Variants in DGKB observed in about 807,000 individuals in gnomAD.
The protein encoded by DGKB is diacylglycerol kinase beta, also known as 90 kDa diacylglycerol kinase.
Under a neutral mutation model 114.3 loss-of-function variants are expected in DGKB, and 67 were observed. That is an observed-to-expected ratio of 0.59 (90% CI 0.48 to 0.72). The LOEUF is 0.72. Among genes scored for constraint, DGKB ranks in the 30% least tolerant of loss-of-function variants. DGKB has a pLI of 0.00. For synonymous variants in DGKB, 398 were observed against 323.1 expected (o/e 1.23, Z -2.49); for missense variants, 907 against 975.2 (o/e 0.93, Z 0.93).
chr7:14,915,184 C>G (rs998609214), intron 1 of DGKB, among the ~76,000 whole-genome samples: 3 of 152,018 alleles, frequency 2.0e-5, no homozygotes, highest in African/African-American at 7.2e-5. Flanking sequence ...CTGGGAAATA[C>G]AGCAAGACCC....
chr7:14,832,117 G>A (rs976016313), intron 2 of DGKB, among the ~76,000 whole-genome samples: 143 of 151,852 alleles, frequency 9.4e-4, no homozygotes, highest in Admixed American at 6.6e-5. Context: ...GTCTTATAAC[G>A]ACCTTTGAAA....
chr7:14,321,479 C>G (rs995953017), intron 23 of DGKB, among the ~76,000 whole-genome samples: 1 of 151,558 alleles, frequency 6.6e-6, no homozygotes, highest in Non-Finnish European at 1.5e-5. Context: ...ATACAAGGAA[C>G]ATTAGAGAAA....
At chr7:14,810,898 G>A (rs907871345) in intron 2 of DGKB, among the ~76,000 whole-genome samples, 2 of 152,102 alleles carry the variant, frequency 1.3e-5, no homozygotes, top group South Asian at 2.1e-4. Context: ...TGTGAGTCAC[G>A]GCGCCCGGCC....
At chr7:14,508,376 A>C (rs1024133897) in intron 20 of DGKB, among the ~76,000 whole-genome samples, 1 of 152,188 alleles carries the variant, frequency 6.6e-6, no homozygotes, top group Non-Finnish European at 1.5e-5. Flanking sequence ...TGATTTGAAG[A>C]TCTTTAAAAG....
intron 23 of DGKB, among the ~76,000 whole-genome samples, chr7:14,334,333 GTTAT>G (rs2128563652): frequency 7.5e-6 from 1 of 133,970 alleles, no homozygotes; most frequent in South Asian, 2.5e-4. Context: ...CAATGCCACA[GTTAT>G]TTATTTCTTT....
intron 21 of DGKB, among the ~76,000 whole-genome samples, chr7:14,460,429 G>GA (rs530874828): frequency 0.06 from 8,642 of 143,206 alleles, 357 homozygotes; most frequent in East Asian, 0.22. Context: ...GGAAAGCAAA[G>GA]AAAAAAAAAA....
intron 21 of DGKB, among the ~76,000 whole-genome samples, chr7:14,418,672 T>G (rs1396602204): frequency 6.6e-6 from 1 of 151,840 alleles, no homozygotes; most frequent in Non-Finnish European, 1.5e-5. Flanking sequence ...AAAAATGGGT[T>G]AGGCTTGCAG....
At chr7:14,681,702 G>T (rs146493756) in intron 12 of DGKB, among the ~76,000 whole-genome samples, 435 of 152,144 alleles carry the variant, frequency 2.9e-3, no homozygotes, top group Non-Finnish European at 5.1e-3. Context: ...TTGAAAATGT[G>T]TGATTCTAAT....
intron 21 of DGKB, among the ~76,000 whole-genome samples, chr7:14,445,669 T>G (rs1830630753): frequency 6.6e-6 from 1 of 152,028 alleles, no homozygotes; most frequent in Non-Finnish European, 1.5e-5. Flanking sequence ...AACTGCTCAA[T>G]AATGATTACA....
intron 13 of DGKB, among the ~76,000 whole-genome samples, chr7:14,648,882 AG>A (rs1216210210): frequency 2.2e-5 from 3 of 134,096 alleles, no homozygotes; most frequent in African/African-American, 2.8e-5. Flanking sequence ...ATCAACTGGA[AG>A]AAAGGGTATC....
intron 1 of DGKB, among the ~76,000 whole-genome samples, chr7:14,928,989 C>T (rs1463164701): frequency 6.6e-6 from 1 of 150,586 alleles, no homozygotes; most frequent in African/African-American, 2.4e-5. Flanking sequence ...TAATTCCATT[C>T]TTTTTTATGG....
chr7:14,585,191 G>C (rs1800553491), intron 17 of DGKB, among the ~76,000 whole-genome samples: 1 of 151,968 alleles, frequency 6.6e-6, no homozygotes. Flanking sequence ...TTTAACCTTT[G>C]TGAGACATGT....
intron 1 of DGKB, among the ~76,000 whole-genome samples, chr7:14,877,530 G>A (rs934391550): frequency 8.5e-5 from 13 of 152,110 alleles, no homozygotes; most frequent in East Asian, 5.8e-4. Flanking sequence ...ACTCCAGCCC[G>A]GGGAAAAATA....
At chr7:14,779,806 T>C (rs1467383218) in intron 2 of DGKB, among the ~76,000 whole-genome samples, 2 of 152,192 alleles carry the variant, frequency 1.3e-5, no homozygotes, top group Non-Finnish European at 2.9e-5. Flanking sequence ...TGGCACTTTA[T>C]AACTGTAAAT....
At chr7:14,173,522 ACTT>A (rs1441783971) in intron 25 of DGKB, among the ~76,000 whole-genome samples, 2 of 152,176 alleles carry the variant, frequency 1.3e-5, no homozygotes, top group South Asian at 2.1e-4. Context: ...AAAAAACAGA[ACTT>A]CTGCTCTCCT....
At chr7:14,599,015 A>C (rs1378950057) in intron 17 of DGKB, among the ~76,000 whole-genome samples, 1 of 152,202 alleles carries the variant, frequency 6.6e-6, no homozygotes, top group Non-Finnish European at 1.5e-5. Flanking sequence ...TTTGTGTTTA[A>C]AGAACATTGG....
At chr7:14,803,459 T>C (rs1562577034) in intron 2 of DGKB, among the ~76,000 whole-genome samples, 1 of 152,184 alleles carries the variant, frequency 6.6e-6, no homozygotes, top group African/African-American at 2.4e-5. Context: ...GTGATTACAA[T>C]GTAACTAAAC....
At chr7:14,502,139 G>A (rs144324116) in intron 20 of DGKB, among the ~76,000 whole-genome samples, 2 of 152,014 alleles carry the variant, frequency 1.3e-5, no homozygotes, top group East Asian at 3.9e-4. Context: ...CTAACAGAAT[G>A]TGATGAAAGT....
intron 25 of DGKB, among the ~76,000 whole-genome samples, chr7:14,161,224 ATTAG>A (rs765624493): frequency 7.2e-5 from 11 of 152,228 alleles, no homozygotes; most frequent in Non-Finnish European, 1.5e-4. Context: ...GGGAGTGTAA[ATTAG>A]TTCAACCATT....
Sources: allele counts gnomAD v4.1 joint callset (sites outside exome capture counted in the v4.1 genomes callset), GRCh38; gene constraint gnomAD v4.1.1; transcripts MANE v1.5; gene names NCBI Gene and HGNC (gene_info 2026-07-23, HGNC 2026-07-21).